BLTP1: variants seen among roughly 807,000 people sequenced by gnomAD.
The protein encoded by BLTP1 is fragile site-associated protein.
the BLTP1 span, among the ~76,000 whole-genome samples, chr4:122,191,782 C>T: frequency 6.6e-6 from 1 of 151,984 alleles, no homozygotes; most frequent in Non-Finnish European, 1.5e-5. Flanking sequence ...AGATCTTTTC[C>T]AAATCCTTCA....
At chr4:122,163,440 G>A in the BLTP1 span, among the ~76,000 whole-genome samples, 476 of 152,284 alleles carry the variant, frequency 3.1e-3, 4 homozygotes, top group African/African-American at 0.01. Flanking sequence ...TCCCTGGAGT[G>A]CAAGCTGAGT....
chr4:122,296,056 T>C, the BLTP1 span, among the ~76,000 whole-genome samples: 1 of 152,192 alleles, frequency 6.6e-6, no homozygotes, highest in Non-Finnish European at 1.5e-5. Context: ...ACCACTCTTA[T>C]TCAACATAGT....
the BLTP1 span, among the ~76,000 whole-genome samples, chr4:122,176,619 A>C: frequency 6.6e-6 from 1 of 152,280 alleles, no homozygotes; most frequent in South Asian, 2.1e-4. Flanking sequence ...TTTTATGAGT[A>C]ATTTACTTGT....
the BLTP1 span, chr4:122,234,657 T>A: frequency 8.6e-7 from 1 of 1,161,376 alleles, no homozygotes; most frequent in South Asian, 1.7e-5. Context: ...GTGTTTACTT[T>A]GTCATTTAAA....
At chr4:122,313,697 C>T in the BLTP1 span, 30 of 1,445,820 alleles carry the variant, frequency 2.1e-5, no homozygotes, top group Non-Finnish European at 1.4e-5. Flanking sequence ...GGTAGGTTCA[C>T]ATGCAGCATT....
At chr4:122,324,395 T>C in the BLTP1 span, 1 of 1,602,412 alleles carries the variant, frequency 6.2e-7, no homozygotes, top group Non-Finnish European at 8.5e-7. Context: ...TAATCACCTA[T>C]AGTCACCCTT....
the BLTP1 span, chr4:122,208,985 T>TAAAAA: frequency 5.5e-6 from 2 of 362,112 alleles, no homozygotes; most frequent in Non-Finnish European, 7.2e-6. Flanking sequence ...GTGAGACCAT[T>TAAAAA]AAAAAAAAAA....
chr4:122,289,157 T>A, the BLTP1 span: 4 of 1,610,104 alleles, frequency 2.5e-6, no homozygotes, highest in Non-Finnish European at 3.4e-6. Context: ...AAAGTGTTCA[T>A]GAAGGAAGTT....
the BLTP1 span, chr4:122,237,739 C>T: frequency 3.0e-6 from 1 of 329,464 alleles, no homozygotes; most frequent in Non-Finnish European, 4.3e-6. Flanking sequence ...AATCCCAGCA[C>T]TTTGGGAGGC....
chr4:122,169,065 C>T, the BLTP1 span, among the ~76,000 whole-genome samples: 5 of 152,100 alleles, frequency 3.3e-5, no homozygotes, highest in Non-Finnish European at 5.9e-5. Flanking sequence ...CTCCTGCCCC[C>T]ATGCCCTGAG....
At chr4:122,182,553 C>A in the BLTP1 span, 1 of 693,760 alleles carries the variant, frequency 1.4e-6, no homozygotes, top group Non-Finnish European at 1.8e-6. Flanking sequence ...ATCTGTCTGA[C>A]ATAATCCTAC....
the BLTP1 span, among the ~76,000 whole-genome samples, chr4:122,354,745 C>G: frequency 2.6e-5 from 4 of 151,056 alleles, no homozygotes; most frequent in Admixed American, 2.6e-4. Context: ...TGGCTCACTG[C>G]AACCTCCATT....
the BLTP1 span, chr4:122,226,733 G>A: frequency 6.2e-7 from 1 of 1,613,534 alleles, no homozygotes; most frequent in Non-Finnish European, 8.5e-7. Context: ...AGTGGGGACA[G>A]ACATTTGTTT....
At chr4:122,152,934 T>C in the BLTP1 span, 1 of 941,014 alleles carries the variant, frequency 1.1e-6, no homozygotes, top group Non-Finnish European at 1.3e-6. Flanking sequence ...CCAGCTGCAC[T>C]GGGTTGTAGT....
the BLTP1 span, chr4:122,170,438 T>TA: frequency 4.1e-6 from 4 of 966,598 alleles, no homozygotes; most frequent in Non-Finnish European, 4.9e-6. Flanking sequence ...TCCATTCTCT[T>TA]ACATTTTAGT....
the BLTP1 span, among the ~76,000 whole-genome samples, chr4:122,198,965 A>G: frequency 5.9e-5 from 9 of 152,148 alleles, no homozygotes; most frequent in Admixed American, 1.3e-4. Flanking sequence ...CTGTCATTAC[A>G]TGAGGGGAAT....
At chr4:122,254,333 C>T in the BLTP1 span, 1 of 1,606,140 alleles carries the variant, frequency 6.2e-7, no homozygotes, top group Non-Finnish European at 8.5e-7. Context: ...ATCTCACACA[C>T]ATGCATTTTC....
the BLTP1 span, chr4:122,348,629 A>AC: frequency 6.2e-7 from 1 of 1,611,880 alleles, no homozygotes; most frequent in Non-Finnish European, 8.5e-7. Context: ...CCAACAAGGG[A>AC]CCCCATGGGA....
At chr4:122,265,720 A>G in the BLTP1 span, among the ~76,000 whole-genome samples, 9 of 151,054 alleles carry the variant, frequency 6.0e-5, no homozygotes, top group African/African-American at 2.2e-4. Context: ...TTTGTTTGAG[A>G]CAGAGTCTTG....
Sources: gnomAD v4.1 joint callset for allele counts (sites outside exome capture counted in the v4.1 genomes callset) on GRCh38, gnomAD v4.1.1 for gene constraint, MANE v1.5 for transcripts, NCBI Gene and HGNC (gene_info 2026-07-23, HGNC 2026-07-21) for gene names.